Variants in MECOM observed in about 807,000 individuals in gnomAD.
MECOM encodes the protein MDS1 and EVI1 complex locus, also known as histone-lysine N-methyltransferase MECOM.
MECOM carries 13 observed loss-of-function variants against 116.3 expected under a neutral mutation model. That is an observed-to-expected ratio of 0.11 (90% CI 0.07 to 0.18). The LOEUF (loss-of-function observed/expected upper bound fraction) is 0.18, where lower values mean the gene tolerates loss of function less well. Among genes scored for constraint, MECOM ranks in the 10% least tolerant of loss-of-function variants. MECOM has a pLI of 1.00. For missense variants in MECOM, 1,299 were observed against 1,509.0 expected (o/e 0.86, Z 2.31); for synonymous variants, 528 against 535.2 (o/e 0.99, Z 0.19).
chr3:169,146,198 G>A (rs1186640753), intron 2 of MECOM: 16 of 1,063,516 alleles, frequency 1.5e-5, no homozygotes, highest in Non-Finnish European at 1.5e-5. Context: ...AAAACCAACA[G>A]CAAAAGGAAA....
At chr3:169,159,515 C>G (rs1165462715) in intron 2 of MECOM, among the ~76,000 whole-genome samples, 1 of 152,008 alleles carries the variant, frequency 6.6e-6, no homozygotes, top group Non-Finnish European at 1.5e-5. Context: ...GCCAAGATCA[C>G]GCCACTGCAT....
At chr3:169,367,527 T>C (rs1290876258) in intron 2 of MECOM, among the ~76,000 whole-genome samples, 2 of 151,990 alleles carry the variant, frequency 1.3e-5, no homozygotes, top group Non-Finnish European at 2.9e-5. Flanking sequence ...CAAGAAGGCA[T>C]GTGTATTTGC....
chr3:169,414,617 C>T (rs1738204248), intron 1 of MECOM, among the ~76,000 whole-genome samples: 1 of 152,068 alleles, frequency 6.6e-6, no homozygotes, highest in African/African-American at 2.4e-5. Flanking sequence ...TAACTCAATG[C>T]AAGGAAGCTA....
At chr3:169,592,466 T>A (rs1219839820) in intron 1 of MECOM, among the ~76,000 whole-genome samples, 1 of 152,128 alleles carries the variant, frequency 6.6e-6, no homozygotes, top group East Asian at 1.9e-4. Context: ...CTGGGTTGTG[T>A]TTATCCTTTC....
At chr3:169,283,471 A>C (rs964888423) in intron 2 of MECOM, among the ~76,000 whole-genome samples, 12 of 152,186 alleles carry the variant, frequency 7.9e-5, no homozygotes, top group African/African-American at 2.9e-4. Flanking sequence ...GCTTGCCAGG[A>C]AAAATAATAC....
At chr3:169,438,669 G>A (rs1434649950) in intron 1 of MECOM, among the ~76,000 whole-genome samples, 2 of 149,440 alleles carry the variant, frequency 1.3e-5, no homozygotes, top group Non-Finnish European at 3.0e-5. Context: ...CAGAAATGGT[G>A]AAGGGATATG....
At chr3:169,141,689 TTTGTC>T (rs1738158036) in intron 3 of MECOM, among the ~76,000 whole-genome samples, 1 of 152,010 alleles carries the variant, frequency 6.6e-6, no homozygotes, top group Non-Finnish European at 1.5e-5. Flanking sequence ...TCTCTTCCCT[TTTGTC>T]TTGTCAATTG....
chr3:169,095,245 T>G lies in MECOM; in HGVS notation c.2850A>C (p.Arg950Ser). 6.2e-7 allele frequency: 1 copy of G among 1,603,112 alleles called. No individual in the cohort carries two copies. The highest frequency in any genetic ancestry group is 2.2e-5 in the East Asian group (1 of 44,596). ...LRTHTGEQPY[R>S]CKYCDRSFSI... is the part of the protein sequence containing the mutation. ...TAAATGATCTGTCACAGTATTTGCA[T>G]CTGAAAAATAAACAAAGAGAAAATA... is the stretch of plus-strand genomic sequence containing the variant. The change falls in exon 13 of 17, where the codon AGA (arginine) becomes AGC (serine). Residue 950 changes from arginine to serine, a missense_variant and splice_region_variant. Physicochemically the swap from Arg to Ser is moderately radical, Grantham distance 110. This residue lies in a region of MECOM where 32 missense variants were observed against 96.7 expected (regional missense o/e 0.33). Transcript: ENST00000651503.
At chr3:169,462,941 T>C (rs752355258) in intron 1 of MECOM, among the ~76,000 whole-genome samples, 12 of 152,330 alleles carry the variant, frequency 7.9e-5, no homozygotes, top group Admixed American at 2.6e-4. Context: ...TAAAGGCTAA[T>C]TTTTATTTAC....
chr3:169,219,567 T>C lies in MECOM; in HGVS notation c.376-75735A>G, dbSNP rs9844853. Among the ~76,000 whole-genome samples, 1,350 of 152,148 alleles carry C rather than the reference T, an allele frequency of 8.9e-3. 26 individuals are homozygous for C. The highest frequency in any genetic ancestry group is 0.032 in the African/African-American group (1,309 of 41,518). On this transcript the variant is annotated intron_variant, in intron 2 of 16. Coordinates refer to ENST00000651503, the MANE Select transcript of MECOM (RefSeq NM_004991.4). ...ATCATTCCTAGGTTAGAAGGTAAAC[T>C]TATAGCTAACTTTCTTCTTGGCAAA...
chr3:169,476,656 C>T (rs766732403), intron 1 of MECOM, among the ~76,000 whole-genome samples: 2 of 152,072 alleles, frequency 1.3e-5, no homozygotes. Context: ...TACTCATGCT[C>T]TCTGCAAGTA....
Position 169,115,438 on chromosome 3 carries a change from C to A in MECOM, c.2434G>T (p.Asp812Tyr), listed in dbSNP as rs931916175. ...GGTCTTGCATGCTGCAAGGAACCAT[C>A]TGAAGCAGGTCTTGATTCGACGTTG... Reference protein sequence around the residue: ...GSNVESRPASDGSLQHARPTP... With the variant: ...GSNVESRPASYGSLQHARPTP... Residue 812 changes from aspartate to tyrosine, a missense_variant, in exon 8 of 17, where the codon GAT becomes TAT. Coordinates refer to ENST00000651503, the MANE Select transcript of MECOM (RefSeq NM_004991.4). The A allele has an allele frequency of 2.5e-6, 4 of 1,614,072 alleles. No homozygotes were observed. The highest frequency in any genetic ancestry group is 3.4e-6 in the Non-Finnish European group (4 of 1,180,046).
intron 3 of MECOM, among the ~76,000 whole-genome samples, chr3:169,141,288 G>A (rs1448048102): frequency 6.6e-6 from 1 of 151,940 alleles, no homozygotes; most frequent in East Asian, 1.9e-4. Context: ...CTAAAAATCA[G>A]AGCAAAGAGA....
chr3:169,399,773 C>T (rs990271499), intron 1 of MECOM, among the ~76,000 whole-genome samples: 2 of 151,966 alleles, frequency 1.3e-5, no homozygotes, highest in East Asian at 1.9e-4. Context: ...TTGTTTTGGA[C>T]TTGAAGATTG....
rs114348521 is a variant in MECOM at position 169,289,485 on chromosome 3, T to G, written c.375+91702A>C. On this transcript the variant is annotated intron_variant, in intron 2 of 16. Coordinates refer to ENST00000651503, the MANE Select transcript of MECOM (RefSeq NM_004991.4). The stretch of plus-strand genomic sequence containing the variant: ...TTGTTCATTATTTAAATGACCCATT[T>G]ATATGGATGAACCTCTTTGCTTTGT... Among the ~76,000 whole-genome samples, 875 of 152,330 alleles carry G rather than the reference T, an allele frequency of 5.7e-3. 11 individuals carry two copies. Among genetic ancestry groups the G allele is most frequent in the Non-Finnish European group, 1.0e-2 (678 of 68,026 alleles).
chr3:169,226,366 A>G (rs1752728421), intron 2 of MECOM, among the ~76,000 whole-genome samples: 1 of 152,222 alleles, frequency 6.6e-6, no homozygotes, highest in Non-Finnish European at 1.5e-5. Flanking sequence ...ACTATTATAG[A>G]GATGAATAAA....
Position 169,381,390 on chromosome 3 carries a change from G to C in MECOM, c.172C>G (p.Pro58Ala), listed in dbSNP as rs777557842. The change falls in exon 2 of 17, where the codon CCA becomes GCA. Residue 58 changes from proline to alanine, a missense_variant. Coordinates refer to ENST00000651503, the MANE Select transcript of MECOM (RefSeq NM_004991.4). ...GCTTTGTAAGGAGAACCCTCCTTTG[G>C]AGTGAATGCTTCACTGGATGTGGCA... ...SPATSSEAFTPKEGSPYKAPI... is the reference protein window; with the variant it reads ...SPATSSEAFTAKEGSPYKAPI... The C allele has an allele frequency of 3.7e-6, 6 of 1,613,784 alleles. No individual in the cohort carries two copies. In the Admixed American group the frequency reaches 1.0e-4, roughly 27 times the overall value.
At chr3:169,147,057 C>T in intron 2 of MECOM, 5 of 990,266 alleles carry the variant, frequency 5.0e-6, no homozygotes, top group African/African-American at 1.7e-5. Context: ...TGTGTTTTGG[C>T]TTTTTCCCCC....
chr3:169,598,934 C>T (rs576694493), intron 1 of MECOM, among the ~76,000 whole-genome samples: 1 of 152,226 alleles, frequency 6.6e-6, no homozygotes, highest in East Asian at 1.9e-4. Context: ...CAGACTGTGA[C>T]CTTAATGAAT....
Sources: gnomAD v4.1 joint callset for allele counts (sites outside exome capture counted in the v4.1 genomes callset) on GRCh38, gnomAD v4.1.1 for gene constraint, gnomAD v4.1.1 regional missense constraint, MANE v1.5 for transcripts, NCBI Gene and HGNC (gene_info 2026-07-23, HGNC 2026-07-21) for gene names.